GPC6: variants seen among roughly 807,000 people sequenced by gnomAD.
GPC6 encodes the protein glypican 6, also known as glypican-6.
Under a neutral mutation model 55.2 loss-of-function variants are expected in GPC6, and 14 were observed. That is an observed-to-expected ratio of 0.25 (90% CI 0.17 to 0.40). The LOEUF (loss-of-function observed/expected upper bound fraction) is 0.40. Ranked by LOEUF, GPC6 falls within the 10% of genes least tolerant of loss-of-function variation. The probability of loss-of-function intolerance (pLI) is 1.00; values close to 1 mark genes in which losing one functional copy is unlikely to be tolerated. For missense variants in GPC6, 641 were observed against 708.5 expected (o/e 0.90, Z 1.08); for synonymous variants, 278 against 259.6 (o/e 1.07, Z -0.68).
chr13:93,874,719 A>G (rs1377423862), intron 3 of GPC6, among the ~76,000 whole-genome samples: 3 of 151,450 alleles, frequency 2.0e-5, no homozygotes, highest in Non-Finnish European at 4.4e-5. Context: ...CTCCTGACAC[A>G]AGCTCTTGTC....
chr13:93,487,069 A>G (rs562544938), intron 1 of GPC6, among the ~76,000 whole-genome samples: 3 of 152,276 alleles, frequency 2.0e-5, no homozygotes, highest in Non-Finnish European at 4.4e-5. Flanking sequence ...CAGGGCTGAT[A>G]CCTCGCAGTT....
intron 5 of GPC6, among the ~76,000 whole-genome samples, chr13:94,288,926 CAA>C (rs1874762669): frequency 9.1e-6 from 1 of 110,332 alleles, no homozygotes; most frequent in Non-Finnish European, 1.7e-5. Flanking sequence ...ATATATATAA[CAA>C]ATATAGATAG....
chr13:94,221,847 G>A (rs1890394022), intron 4 of GPC6, among the ~76,000 whole-genome samples: 1 of 151,976 alleles, frequency 6.6e-6, no homozygotes, highest in African/African-American at 2.4e-5. Flanking sequence ...AATAGTCAAG[G>A]GTATGATTAA....
intron 3 of GPC6, among the ~76,000 whole-genome samples, chr13:93,873,891 G>A (rs578093919): frequency 7.9e-5 from 12 of 151,876 alleles, no homozygotes; most frequent in South Asian, 2.1e-4. Context: ...ACTCTGACAC[G>A]TCTGCCTTCA....
At chr13:93,489,382 T>C (rs1324520790) in intron 1 of GPC6, among the ~76,000 whole-genome samples, 1 of 151,486 alleles carries the variant, frequency 6.6e-6, no homozygotes, top group Admixed American at 6.5e-5. Flanking sequence ...AGCCTTGTAG[T>C]ATAGTTTAAA....
upstream of GPC6, among the ~76,000 whole-genome samples, chr13:93,226,248 GTTAGC>G (rs1566530460): frequency 6.6e-6 from 1 of 152,052 alleles, no homozygotes. Flanking sequence ...TGGTCTGGTT[GTTAGC>G]TTTCCCGATC....
chr13:94,088,627 T>C (rs1885374196), intron 4 of GPC6, among the ~76,000 whole-genome samples: 1 of 151,396 alleles, frequency 6.6e-6, no homozygotes, highest in Non-Finnish European at 1.5e-5. Flanking sequence ...AATTTAACGT[T>C]ATTAGCTACT....
At chr13:93,548,777 C>T (rs902654372) in intron 2 of GPC6, among the ~76,000 whole-genome samples, 1 of 152,066 alleles carries the variant, frequency 6.6e-6, no homozygotes, top group African/African-American at 2.4e-5. Context: ...TGAGAGGCAA[C>T]AAATTTTAGA....
chr13:93,839,027 C>T (rs749649983), intron 3 of GPC6, among the ~76,000 whole-genome samples: 13 of 152,216 alleles, frequency 8.5e-5, no homozygotes, highest in African/African-American at 1.9e-4. Context: ...CAGCAAAGCA[C>T]GCCCTCCTGA....
At chr13:94,365,269 A>T (rs577448143) in intron 6 of GPC6, among the ~76,000 whole-genome samples, 6 of 152,282 alleles carry the variant, frequency 3.9e-5, no homozygotes, top group Non-Finnish European at 7.4e-5. Flanking sequence ...TAGACTTTAC[A>T]TTTGAGTAAG....
In GPC6 at chr13:93,544,582, C is replaced by T. The variant is rs1874664490; in HGVS notation, c.161-681C>T. On this transcript the variant is annotated intron_variant, in intron 1 of 8. Coordinates refer to ENST00000377047, the MANE Select transcript of GPC6 (RefSeq NM_005708.5). ...GATTGGCTTCTACTTGCAAATAGCA[C>T]TAAAGAAAGCAGTGTTGTCGAAAGC... Among the ~76,000 whole-genome samples, 3 of 152,302 alleles carry T rather than the reference C, an allele frequency of 2.0e-5. No homozygotes were observed. In the South Asian group the frequency reaches 6.2e-4, roughly 32 times the overall value.
chr13:93,254,926 T>A (rs779498425), intron 1 of GPC6, among the ~76,000 whole-genome samples: 2 of 152,154 alleles, frequency 1.3e-5, no homozygotes, highest in African/African-American at 2.4e-5. Context: ...AAAAATCAAA[T>A]CTAATTTTAA....
At chr13:94,046,635 C>T in intron 4 of GPC6, among the ~76,000 whole-genome samples, 1 of 152,228 alleles carries the variant, frequency 6.6e-6, no homozygotes, top group African/African-American at 2.4e-5. Flanking sequence ...TTTCTTATAA[C>T]ATGAAATTAT....
At chr13:93,889,551 C>G (rs147010131) in intron 3 of GPC6, among the ~76,000 whole-genome samples, 15 of 152,090 alleles carry the variant, frequency 9.9e-5, no homozygotes, top group African/African-American at 3.6e-4. Flanking sequence ...ATGGGTTTTC[C>G]CCCATTTATA....
intron 2 of GPC6, among the ~76,000 whole-genome samples, chr13:93,769,822 G>A (rs1594441762): frequency 6.6e-6 from 1 of 152,196 alleles, no homozygotes; most frequent in Admixed American, 6.5e-5. Context: ...GCTGCAGTCA[G>A]TGTTTTTCCA....
intron 3 of GPC6, among the ~76,000 whole-genome samples, chr13:93,832,194 G>T (rs575220344): frequency 4.6e-4 from 56 of 121,364 alleles, no homozygotes; most frequent in Admixed American, 9.6e-4. Context: ...AAAGAAACTA[G>T]AGCCCCAGAA....
intron 1 of GPC6, among the ~76,000 whole-genome samples, chr13:93,443,774 G>C (rs745993754): frequency 2.6e-5 from 4 of 152,182 alleles, no homozygotes; most frequent in Non-Finnish European, 5.9e-5. Flanking sequence ...ACTGAAGATT[G>C]GGCCTGAAGA....
intron 3 of GPC6, among the ~76,000 whole-genome samples, chr13:93,834,218 A>G (rs769296418): frequency 6.6e-6 from 1 of 152,194 alleles, no homozygotes; most frequent in Non-Finnish European, 1.5e-5. Flanking sequence ...TGACATAGAA[A>G]GTAGAAACGT....
At chr13:94,373,761 G>A (rs936688103) in intron 6 of GPC6, among the ~76,000 whole-genome samples, 7 of 152,150 alleles carry the variant, frequency 4.6e-5, no homozygotes, top group African/African-American at 1.7e-4. Context: ...ACACATAATT[G>A]TCAGATTCAC....
Sources: gnomAD v4.1 joint callset for allele counts (sites outside exome capture counted in the v4.1 genomes callset) on GRCh38, gnomAD v4.1.1 for gene constraint, MANE v1.5 for transcripts, NCBI Gene and HGNC (gene_info 2026-07-23, HGNC 2026-07-21) for gene names.